PDGFRA: variants seen among roughly 807,000 people sequenced by gnomAD.
PDGFRA encodes platelet-derived growth factor receptor alpha.
In PDGFRA, 25 loss-of-function variants were observed where a neutral mutation model predicts 121.5. The observed-to-expected ratio is 0.21, with a 90% CI of 0.15 to 0.29. The LOEUF is 0.29. Ranked by LOEUF, PDGFRA falls within the 10% of genes least tolerant of loss-of-function variation. PDGFRA has a pLI of 1.00. For missense variants in PDGFRA, 1,008 were observed against 1,345.1 expected, an observed-to-expected ratio of 0.75 and a Z score of 3.92; for synonymous variants, 463 against 494.8, an observed-to-expected ratio of 0.94 and a Z score of 0.85.
chr4:54,287,648 G>A (rs1422244453), intron 19 of PDGFRA, 107 bp downstream of exon 19: 3 of 745,948 alleles, frequency 4.0e-6, no homozygotes, highest in Non-Finnish European at 7.4e-6. Flanking sequence ...ATAACCTGGT[G>A]TGAGGCCAGT....
Position 54,289,331 on chromosome 4 carries a change from A to G in PDGFRA, c.2880+217A>G, listed in dbSNP as rs4864873. ...GGGGCTTTCCTTTCATCTTATATGT[A>G]CAGTACCTGTAAGCACTATTCTCCA... On this transcript the variant is annotated intron_variant, in intron 21 of 22. Coordinates refer to ENST00000257290, the MANE Select transcript of PDGFRA (RefSeq NM_006206.6). 0.96 allele frequency among the ~76,000 whole-genome samples: 145,978 copies of G among 152,252 alleles called. 70,262 individuals are homozygous for G. Among genetic ancestry groups the G allele is most frequent in the East Asian group, 1 (5,170 of 5,170 alleles).
At chr4:54,241,533 T>TTATG (rs1721298410) in intron 1 of PDGFRA, among the ~76,000 whole-genome samples, 4 of 151,332 alleles carry the variant, frequency 2.6e-5, no homozygotes. Context: ...ATTTATTTAT[T>TTATG]TATTTATTTA....
At chr4:54,280,925 A>C (rs895858759) in intron 16 of PDGFRA, among the ~76,000 whole-genome samples, 6 of 151,584 alleles carry the variant, frequency 4.0e-5, no homozygotes, top group Non-Finnish European at 8.8e-5. Flanking sequence ...TTTTCCCTTA[A>C]GTTTTAGAAG....
At chr4:54,253,869 G>C (rs1722203122) in intron 1 of PDGFRA, among the ~76,000 whole-genome samples, 1 of 152,016 alleles carries the variant, frequency 6.6e-6, no homozygotes, top group African/African-American at 2.4e-5. Flanking sequence ...ATTTTTAGTA[G>C]AGGTGGAGTT....
At chr4:54,267,526 T>C (rs1176368437) in intron 6 of PDGFRA, 26 bp from the exon 7 acceptor site, 1 of 1,614,008 alleles carries the variant, frequency 6.2e-7, no homozygotes, top group East Asian at 2.2e-5. Context: ...GTAATCATTA[T>C]TTAATGGAAA....
At chr4:54,286,226 G>T (rs1407733291) in intron 18 of PDGFRA, among the ~76,000 whole-genome samples, 1 of 152,136 alleles carries the variant, frequency 6.6e-6, no homozygotes, top group Non-Finnish European at 1.5e-5. Context: ...GTACCTATTT[G>T]CTGAGTTGCT....
intron 1 of PDGFRA, among the ~76,000 whole-genome samples, chr4:54,237,479 ATG>A (rs1207266336): frequency 6.6e-6 from 1 of 152,192 alleles, no homozygotes; most frequent in Non-Finnish European, 1.5e-5. Flanking sequence ...TGGGTTCTAA[ATG>A]TGATAAAACC....
Position 54,289,127 on chromosome 4 carries a change from C to G in PDGFRA, c.2880+13C>G, listed in dbSNP as rs768862494. On this transcript the variant is annotated intron_variant, in intron 21 of 22. Coordinates refer to ENST00000257290, the MANE Select transcript of PDGFRA (RefSeq NM_006206.6). Reference sequence around the variant, plus strand: ...ACAATATAAAAAGGTGTGTTTGGATCTGTGGGTGGAAAGGTCTGGATAAAG... The same window carrying G: ...ACAATATAAAAAGGTGTGTTTGGATGTGTGGGTGGAAAGGTCTGGATAAAG... The G allele has an allele frequency of 9.4e-5, 134 of 1,432,666 alleles. No individual in the cohort carries two copies. Among genetic ancestry groups the G allele is most frequent in the Non-Finnish European group, 1.3e-4 (131 of 1,014,630 alleles). The allele number at this position is 1,432,666 out of a possible 1,614,324, so 88.7% of individuals were successfully genotyped here. A position where few individuals can be genotyped will look rare whatever the true frequency, so the allele number is the denominator to read the frequency against.
intron 16 of PDGFRA, among the ~76,000 whole-genome samples, chr4:54,284,642 C>G (rs1019747411): frequency 1.3e-5 from 2 of 151,536 alleles, no homozygotes; most frequent in Non-Finnish European, 2.9e-5. Flanking sequence ...AGAAGTCACT[C>G]ACTTTTGCAA....
rs748162423 is a variant in PDGFRA, at chr4:54,263,879, A to G, written c.580A>G (p.Lys194Glu). 6.2e-7 allele frequency: 1 copy of G among 1,614,070 alleles called. No homozygotes were observed. The highest frequency in any genetic ancestry group is 1.7e-5 in the Admixed American group (1 of 59,986). Residue 194 changes from lysine to glutamate, a missense_variant, in exon 4 of 23, where the codon AAA becomes GAA. Transcript: ENST00000257290. ...VGPYICEATV[K>E]GKKFQTIPFN... is the part of the protein sequence containing the mutation. ...GCCCTATATCTGTGAGGCCACCGTC[A>G]AAGGAAAGAAGTTCCAGACCATCCC...
chr4:54,274,849 G>A lies in PDGFRA; in HGVS notation c.1662G>A (p.Arg554=), dbSNP rs1060504244. 2 of 1,614,082 alleles carry A rather than the reference G, an allele frequency of 1.2e-6. No individual in the cohort carries two copies. The highest frequency in any genetic ancestry group is 1.3e-5 in the African/African-American group (1 of 75,018). Residue 554 remains arginine (R), a synonymous_variant, in exon 12 of 23, where the codon AGG becomes AGA. Transcript: ENST00000257290. The part of the protein sequence containing the change: ...VLVVIWKQKP[R]YEIRWRVIES... ...GTCCTGGTCATTTATAGAAACCGAG[G>A]TATGAAATTCGCTGGAGGGTCATTG...
At chr4:54,284,269 G>A (rs1338446837) in intron 16 of PDGFRA, among the ~76,000 whole-genome samples, 1 of 152,082 alleles carries the variant, frequency 6.6e-6, no homozygotes, top group African/African-American at 2.4e-5. Flanking sequence ...TCATCTTCCT[G>A]TCTTCTTCTG....
chr4:54,266,551 G>C (rs1204758114), intron 5 of PDGFRA, among the ~76,000 whole-genome samples: 1 of 151,876 alleles, frequency 6.6e-6, no homozygotes. Flanking sequence ...GAGCTTGACT[G>C]AGATAAAGCT....
intron 9 of PDGFRA, 40 bp downstream of exon 9, chr4:54,272,560 A>G (rs1272862221): frequency 1.9e-6 from 3 of 1,604,882 alleles, no homozygotes; most frequent in Admixed American, 1.7e-5. Flanking sequence ...CGTGGTCAGA[A>G]TATTTCTCCC....
intron 12 of PDGFRA, among the ~76,000 whole-genome samples, chr4:54,275,909 A>G (rs979521440): frequency 3.0e-4 from 46 of 152,252 alleles, no homozygotes; most frequent in Admixed American, 2.6e-4. Flanking sequence ...TGACTTTGAA[A>G]AAAAGACAAT....
In PDGFRA at chr4:54,281,491, G is replaced by T. The variant is rs991407322; in HGVS notation, c.2323+1009G>T. ...TTGCCAAATGGGTGAACTTCCAAGCGCTTTTAAAAGATTAGCCAGTGAGAG... is the reference window on the plus strand; with the variant it reads ...TTGCCAAATGGGTGAACTTCCAAGCTCTTTTAAAAGATTAGCCAGTGAGAG... On this transcript the variant is annotated intron_variant, in intron 16 of 22. Transcript: ENST00000257290. 14 of 849,598 alleles carry T rather than the reference G, an allele frequency of 1.6e-5. No individual in the cohort carries two copies. The Admixed American group carries it at 4.3e-4, about 26-fold the overall frequency. 52.6% of individuals were successfully genotyped at this position (849,598 alleles called of 1,614,324 possible). A position where few individuals can be genotyped will look rare whatever the true frequency, so the allele number is the denominator to read the frequency against.
intron 18 of PDGFRA, among the ~76,000 whole-genome samples, 196 bp from the exon 19 acceptor site, chr4:54,287,234 A>G (rs555216531): frequency 1.3e-4 from 20 of 152,348 alleles, no homozygotes; most frequent in Admixed American, 1.3e-3. Context: ...TCATTCATCT[A>G]GTATTTATTG....
chr4:54,263,236 A>G (rs921904320), intron 3 of PDGFRA, among the ~76,000 whole-genome samples: 4 of 152,112 alleles, frequency 2.6e-5, no homozygotes, highest in African/African-American at 9.7e-5. Context: ...GTATTATTTT[A>G]TTGTTAATTT....
intron 1 of PDGFRA, among the ~76,000 whole-genome samples, chr4:54,247,721 G>A (rs1231653548): frequency 6.6e-6 from 1 of 152,152 alleles, no homozygotes; most frequent in East Asian, 1.9e-4. Context: ...GTTCTGGCCA[G>A]GGCAATTAGG....
Sources: allele counts gnomAD v4.1 joint callset (sites outside exome capture counted in the v4.1 genomes callset), GRCh38; gene constraint gnomAD v4.1.1; transcripts MANE v1.5; gene names NCBI Gene and HGNC (gene_info 2026-07-23, HGNC 2026-07-21).